GRM5: variants seen among roughly 807,000 people sequenced by gnomAD.
GRM5 encodes the protein metabotropic glutamate receptor 5.
GRM5 carries 19 observed loss-of-function variants against 83.1 expected under a neutral mutation model. That is an observed-to-expected ratio of 0.23 (90% CI 0.16 to 0.34). GRM5 has a LOEUF of 0.34. Among genes scored for constraint, GRM5 ranks in the 10% least tolerant of loss-of-function variants. The pLI, the probability that GRM5 is intolerant of heterozygous loss-of-function variation, is 1.00. For synonymous variants in GRM5, 675 were observed against 633.6 expected (o/e 1.07, Z -0.98); for missense variants, 1,160 against 1,588.3 (o/e 0.73, Z 4.58).
intron 2 of GRM5, among the ~76,000 whole-genome samples, chr11:88,957,436 T>C (rs559944288): frequency 2.6e-4 from 39 of 152,312 alleles, no homozygotes; most frequent in African/African-American, 8.9e-4. Context: ...GAAAACAAGC[T>C]GTAAGTTTAT....
At chr11:88,912,357 C>T (rs1000077874) in intron 2 of GRM5, among the ~76,000 whole-genome samples, 4 of 151,522 alleles carry the variant, frequency 2.6e-5, no homozygotes, top group African/African-American at 9.7e-5. Flanking sequence ...TCTCATATTT[C>T]ATGGAAATAA....
chr11:88,888,039 C>T (rs943522853), intron 2 of GRM5, among the ~76,000 whole-genome samples: 2 of 152,102 alleles, frequency 1.3e-5, no homozygotes, highest in Non-Finnish European at 2.9e-5. Context: ...AGTTCTTCTA[C>T]CTCCACCATC....
intron 1 of GRM5, among the ~76,000 whole-genome samples, chr11:89,050,444 T>C (rs1941733285): frequency 6.6e-6 from 1 of 151,452 alleles, no homozygotes; most frequent in Non-Finnish European, 1.5e-5. Context: ...TACATATTTG[T>C]ATTCTAAAGG....
chr11:88,940,571 C>CA (rs1431121818), intron 2 of GRM5, among the ~76,000 whole-genome samples: 1 of 151,044 alleles, frequency 6.6e-6, no homozygotes, highest in Non-Finnish European at 1.5e-5. Flanking sequence ...TAATATGATG[C>CA]AAAATAGTAA....
chr11:88,853,549 T>C (rs1482162649), intron 2 of GRM5, among the ~76,000 whole-genome samples: 1 of 151,658 alleles, frequency 6.6e-6, no homozygotes, highest in Non-Finnish European at 1.5e-5. Flanking sequence ...TAAGAGATAA[T>C]GTCTATAGTC....
intron 2 of GRM5, among the ~76,000 whole-genome samples, chr11:88,952,425 T>C (rs1490060752): frequency 6.6e-6 from 1 of 152,188 alleles, no homozygotes; most frequent in Non-Finnish European, 1.5e-5. Context: ...GTGGGGTTTT[T>C]CTCCCTCTTT....
chr11:88,772,189 T>A (rs1456390927), intron 3 of GRM5, among the ~76,000 whole-genome samples: 1 of 152,106 alleles, frequency 6.6e-6, no homozygotes, highest in African/African-American at 2.4e-5. Context: ...ATTATTGCTC[T>A]TAGTTTAAAT....
intron 3 of GRM5, among the ~76,000 whole-genome samples, chr11:88,819,752 C>A (rs1329676155): frequency 6.6e-6 from 1 of 152,238 alleles, no homozygotes; most frequent in South Asian, 2.1e-4. Flanking sequence ...AATAAGAACA[C>A]AGATTTGTTT....
chr11:88,846,378 A>C (rs1160720144), intron 3 of GRM5, among the ~76,000 whole-genome samples: 3 of 152,220 alleles, frequency 2.0e-5, no homozygotes, highest in Non-Finnish European at 4.4e-5. Context: ...GTGTTTAGCA[A>C]GACTATTTCA....
At chr11:88,650,966 T>C (rs1233966122) in intron 4 of GRM5, among the ~76,000 whole-genome samples, 1 of 151,982 alleles carries the variant, frequency 6.6e-6, no homozygotes, top group Non-Finnish European at 1.5e-5. Flanking sequence ...ACATATAAAG[T>C]GTCCATGCCA....
intron 4 of GRM5, 84 bp downstream of exon 4, chr11:88,653,084 T>C: frequency 1.2e-6 from 1 of 818,436 alleles, no homozygotes; most frequent in African/African-American, 1.7e-5. Context: ...TGTAACATAT[T>C]ACAGCCACTA....
At chr11:88,713,529 T>C (rs1029092511) in intron 3 of GRM5, among the ~76,000 whole-genome samples, 1 of 152,050 alleles carries the variant, frequency 6.6e-6, no homozygotes, top group Non-Finnish European at 1.5e-5. Flanking sequence ...CTATATCTGC[T>C]ACATAGTGAC....
At chr11:88,598,793 C>A (rs931426349) in intron 5 of GRM5, among the ~76,000 whole-genome samples, 3 of 152,152 alleles carry the variant, frequency 2.0e-5, no homozygotes, top group African/African-American at 4.8e-5. Flanking sequence ...CAGTGTCAGA[C>A]TTGTTTCTTT....
rs199551301 is a variant in GRM5 at position 88,570,550 on chromosome 11, A to AATATATAT, written c.1691-2566_1691-2559dup. ...CTGTTTTACCAAAAAAAGTATTAAT[A>AATATATAT]ATATATATATATATATATATATTTT... On this transcript the variant is annotated intron_variant, in intron 7 of 9. Transcript: ENST00000305447. Among the ~76,000 whole-genome samples the AATATATAT allele has an allele frequency of 2.4e-3, 173 of 71,944 alleles. 3 individuals carry two copies. The highest frequency in any genetic ancestry group is 0.013 in the African/African-American group (155 of 12,242). 47.2% of individuals were successfully genotyped at this position (71,944 alleles called of 152,430 possible).
intron 2 of GRM5, among the ~76,000 whole-genome samples, chr11:88,893,663 G>A (rs779232279): frequency 6.6e-6 from 1 of 152,000 alleles, no homozygotes; most frequent in African/African-American, 2.4e-5. Context: ...CAACCCATTG[G>A]AATGACTGAC....
chr11:88,970,014 G>T (rs927652315), intron 2 of GRM5, among the ~76,000 whole-genome samples: 2 of 151,938 alleles, frequency 1.3e-5, no homozygotes, highest in Non-Finnish European at 2.9e-5. Context: ...TACTCAAGTA[G>T]GTATTACCTC....
At chr11:88,571,712 C>T (rs11020475) in intron 7 of GRM5, among the ~76,000 whole-genome samples, 9,001 of 152,180 alleles carry the variant, frequency 0.059, 848 homozygotes, top group African/African-American at 0.2. Flanking sequence ...TCTTACCCAT[C>T]GTGCAAATGC....
At chr11:88,740,821 T>C (rs1942012841) in intron 3 of GRM5, among the ~76,000 whole-genome samples, 1 of 152,074 alleles carries the variant, frequency 6.6e-6, no homozygotes, top group African/African-American at 2.4e-5. Flanking sequence ...GAAGCTAGGA[T>C]TAAGCAGAAT....
chr11:88,617,407 G>T (rs1406208807), intron 4 of GRM5, among the ~76,000 whole-genome samples: 1 of 152,062 alleles, frequency 6.6e-6, no homozygotes, highest in African/African-American at 2.4e-5. Context: ...TGAGTTTCTT[G>T]GACCTTTTTC....
Sources: allele counts gnomAD v4.1 joint callset (sites outside exome capture counted in the v4.1 genomes callset), GRCh38; gene constraint gnomAD v4.1.1; transcripts MANE v1.5; gene names NCBI Gene and HGNC (gene_info 2026-07-23, HGNC 2026-07-21).